ROBO2: variants seen among roughly 807,000 people sequenced by gnomAD.
ROBO2 encodes roundabout homolog 2.
A neutral mutation model predicts 160.8 loss-of-function variants in ROBO2; 53 were observed. The observed-to-expected ratio is 0.33, with a 90% CI of 0.26 to 0.41. The LOEUF (loss-of-function observed/expected upper bound fraction) is 0.41, where lower values mean the gene tolerates loss of function less well. ROBO2 is among the 10% of genes least tolerant of loss of function. The pLI, the probability that ROBO2 is intolerant of heterozygous loss-of-function variation, is 1.00. For missense variants in ROBO2, 1,577 were observed against 1,722.4 expected, an observed-to-expected ratio of 0.92 and a Z score of 1.49; for synonymous variants, 664 against 611.7, an observed-to-expected ratio of 1.09 and a Z score of -1.26.
intron 2 of ROBO2, among the ~76,000 whole-genome samples, chr3:76,795,915 T>C (rs2063660371): frequency 6.6e-6 from 1 of 152,134 alleles, no homozygotes; most frequent in Non-Finnish European, 1.5e-5. Context: ...GATCCATGGG[T>C]TGCAGAATGG....
At chr3:76,366,976 C>T (rs535093680) in intron 2 of ROBO2, among the ~76,000 whole-genome samples, 2 of 151,894 alleles carry the variant, frequency 1.3e-5, no homozygotes, top group Non-Finnish European at 2.9e-5. Flanking sequence ...GCCCATAATA[C>T]TGTTAGCCAA....
chr3:77,217,234 C>T (rs1344694154), intron 2 of ROBO2, among the ~76,000 whole-genome samples: 1 of 152,024 alleles, frequency 6.6e-6, no homozygotes, highest in African/African-American at 2.4e-5. Context: ...CCTCTGCCTC[C>T]TGGGTTCAAA....
rs777575832 is a variant in ROBO2 at position 76,579,956 on chromosome 3, A to C, written c.110-518058A>C. Among the ~76,000 whole-genome samples, 35 of 152,276 alleles carry C rather than the reference A, an allele frequency of 2.3e-4. 1 individual carries two copies. Among genetic ancestry groups the C allele is most frequent in the Admixed American group, 3.9e-4 (6 of 15,282 alleles). On this transcript the variant is annotated intron_variant, in intron 2 of 26. Coordinates refer to the ROBO2 transcript ENST00000487694. ...TGATTCCCCTTTTTAGACAGGGTCC[A>C]TTCTCTGGCAGCAAGTACTTTGATT...
chr3:76,712,121 T>C (rs1427510349), intron 2 of ROBO2, among the ~76,000 whole-genome samples: 1 of 152,192 alleles, frequency 6.6e-6, no homozygotes, highest in Admixed American at 6.5e-5. Flanking sequence ...AACACTTCTG[T>C]TTTTGCCTCT....
At chr3:77,543,987 A>G (rs1368350588) in intron 6 of ROBO2, among the ~76,000 whole-genome samples, 1 of 152,144 alleles carries the variant, frequency 6.6e-6, no homozygotes, top group Non-Finnish European at 1.5e-5. Flanking sequence ...GCAAGTGTCC[A>G]TGTTGGCATT....
At chr3:76,182,834 T>C (rs1701574881) in intron 2 of ROBO2, among the ~76,000 whole-genome samples, 1 of 152,288 alleles carries the variant, frequency 6.6e-6, no homozygotes, top group Middle Eastern at 3.4e-3. Context: ...AAAGTGGTTT[T>C]ACGTTTTCAA....
At chr3:76,392,464 T>A (rs2108655401) in intron 2 of ROBO2, among the ~76,000 whole-genome samples, 1 of 152,274 alleles carries the variant, frequency 6.6e-6, no homozygotes, top group Non-Finnish European at 1.5e-5. Flanking sequence ...CCTGTTATAC[T>A]AAATTGATAT....
At chr3:76,411,281 G>A (rs938284072) in intron 2 of ROBO2, among the ~76,000 whole-genome samples, 1 of 151,528 alleles carries the variant, frequency 6.6e-6, no homozygotes, top group East Asian at 1.9e-4. Flanking sequence ...GTACCAAGAC[G>A]AGTAAGACAT....
At chr3:76,022,566 ACT>A (rs2066605440) in intron 2 of ROBO2, among the ~76,000 whole-genome samples, 1 of 151,624 alleles carries the variant, frequency 6.6e-6, no homozygotes, top group African/African-American at 2.4e-5. Context: ...CTCCATCAGA[ACT>A]CTTGGGTGTT....
chr3:76,781,643 G>T (rs1216625167), intron 2 of ROBO2, among the ~76,000 whole-genome samples: 6 of 150,682 alleles, frequency 4.0e-5, no homozygotes, highest in Non-Finnish European at 7.5e-5. Context: ...CCATTGGGAT[G>T]ATCATATGAT....
chr3:76,825,451 T>C (rs2066488572), intron 2 of ROBO2, among the ~76,000 whole-genome samples: 1 of 151,876 alleles, frequency 6.6e-6, no homozygotes, highest in Admixed American at 6.6e-5. Flanking sequence ...ATGAATAATA[T>C]TCAATATGCA....
At chr3:76,122,691 T>C (rs1384324283) in intron 2 of ROBO2, among the ~76,000 whole-genome samples, 1 of 152,160 alleles carries the variant, frequency 6.6e-6, no homozygotes, top group African/African-American at 2.4e-5. Context: ...CCTTTTTACT[T>C]TTCACAGATA....
chr3:76,921,902 G>A (rs2076686699), intron 2 of ROBO2, among the ~76,000 whole-genome samples: 1 of 152,126 alleles, frequency 6.6e-6, no homozygotes, highest in Admixed American at 6.5e-5. Context: ...AAAATGCATT[G>A]AGATGTGAAC....
intron 2 of ROBO2, among the ~76,000 whole-genome samples, chr3:76,927,661 A>G (rs2077068445): frequency 6.6e-6 from 1 of 152,344 alleles, no homozygotes; most frequent in East Asian, 1.9e-4. Context: ...ATTTTTAAAT[A>G]TATGCTTTTT....
chr3:76,755,478 G>A (rs2060917542), intron 2 of ROBO2, among the ~76,000 whole-genome samples: 1 of 151,712 alleles, frequency 6.6e-6, no homozygotes, highest in Admixed American at 6.6e-5. Context: ...AGCAAGATTA[G>A]GAGGAAGAAA....
chr3:76,513,570 A>G (rs1057419728), intron 2 of ROBO2, among the ~76,000 whole-genome samples: 1 of 152,192 alleles, frequency 6.6e-6, no homozygotes, highest in African/African-American at 2.4e-5. Flanking sequence ...ACTCTTGGCT[A>G]TTATGAGTAT....
At chr3:76,876,228 T>TA (rs2072702590) in intron 2 of ROBO2, among the ~76,000 whole-genome samples, 1 of 152,228 alleles carries the variant, frequency 6.6e-6, no homozygotes, top group African/African-American at 2.4e-5. Context: ...GCTGTTCAAG[T>TA]ATTAACTCAT....
At chr3:76,270,860 G>A (rs1707390551) in intron 2 of ROBO2, among the ~76,000 whole-genome samples, 1 of 152,056 alleles carries the variant, frequency 6.6e-6, no homozygotes. Flanking sequence ...AAGGCTTGAA[G>A]ACGCTGGACA....
At chr3:77,399,761 C>T (rs1223195740) in intron 2 of ROBO2, among the ~76,000 whole-genome samples, 2 of 152,042 alleles carry the variant, frequency 1.3e-5, no homozygotes, top group African/African-American at 2.4e-5. Flanking sequence ...ACTAGCTAGC[C>T]AGGAAGCAAG....
Sources: gnomAD v4.1 joint callset for allele counts (sites outside exome capture counted in the v4.1 genomes callset) on GRCh38, gnomAD v4.1.1 for gene constraint, MANE v1.5 for transcripts, NCBI Gene and HGNC (gene_info 2026-07-23, HGNC 2026-07-21) for gene names.